Variants in CD40 observed in about 807,000 individuals in gnomAD.
CD40 encodes CD40 molecule, also known as tumor necrosis factor receptor superfamily member 5.
Under a neutral mutation model 38.5 loss-of-function variants are expected in CD40, and 19 were observed. The observed-to-expected ratio is 0.49, with a 90% CI of 0.34 to 0.72. The LOEUF is 0.72. Ranked by LOEUF, CD40 falls within the 30% of genes least tolerant of loss-of-function variation. CD40 has a pLI of 0.01. For missense variants in CD40, 256 were observed against 344.1 expected, an observed-to-expected ratio of 0.74 and a Z score of 2.03; for synonymous variants, 130 against 128.7, an observed-to-expected ratio of 1.01 and a Z score of -0.07.
intron 6 of CD40, chr20:46,126,911 A>G: frequency 1.4e-6 from 1 of 719,678 alleles, no homozygotes. Context: ...TGGGATGATA[A>G]CAGCACTTCC....
At chr20:46,126,273 C>T (rs11569329) in intron 5 of CD40, among the ~76,000 whole-genome samples, 2,276 of 137,820 alleles carry the variant, frequency 0.017, 109 homozygotes, top group Admixed American at 0.12. Context: ...CGTTGAGTAA[C>T]CCTATCTTAA....
rs1174098015 is a variant in CD40 at position 46,126,667 on chromosome 20, A to G, written c.525A>G (p.Gln175=). The change falls in exon 6 of 9, where the codon CAA becomes CAG. Residue 175 remains glutamine, a synonymous_variant. Transcript: ENST00000372285. ...GTGAGACCAAAGACCTGGTTGTGCA[A>G]CAGGCAGGCACAAACAAGACTGATG... The part of the protein sequence containing the change: ...TSCETKDLVV[Q]QAGTNKTDVV... The G allele has an allele frequency of 1.9e-6, 3 of 1,614,028 alleles. No homozygotes were observed. The highest frequency in any genetic ancestry group is 2.7e-5 in the African/African-American group (2 of 74,922).
At chr20:46,120,724 T>C (rs2085300972) in intron 1 of CD40, among the ~76,000 whole-genome samples, 1 of 152,350 alleles carries the variant, frequency 6.6e-6, no homozygotes, top group Non-Finnish European at 1.5e-5. Flanking sequence ...TTATGAGAAG[T>C]GATACTGGTT....
rs11569317 is a variant in CD40 at position 46,122,211 on chromosome 20, C to T, written c.131-22C>T. On this transcript the variant is annotated intron_variant, in intron 2 of 8. Transcript: ENST00000372285. This position sits in a 1 kb window ranked among gnomAD's most constrained non-coding sequence, Gnocchi z 5.0. ...CTCATGGAGTTGGCCAGAGCCCTCC[C>T]TCATTTCCTGATGTTTTCCAGGACA... 1.9e-6 allele frequency: 3 copies of T among 1,614,010 alleles called. No individual in the cohort carries two copies. Among genetic ancestry groups the T allele is most frequent in the Middle Eastern group, 1.6e-4 (1 of 6,062 alleles).
At position 46,129,270 on chromosome 20, in the gene CD40, CT is replaced by C. The variant is rs2085507847; in HGVS notation, c.*232del. 1.8e-6 allele frequency: 1 copy of C among 568,780 alleles called. No individual in the cohort carries two copies. Among genetic ancestry groups the C allele is most frequent in the Non-Finnish European group, 3.2e-6 (1 of 312,754 alleles). 35.2% of individuals were successfully genotyped at this position (568,780 alleles called of 1,614,324 possible). On this transcript the variant is annotated 3_prime_UTR_variant, in exon 9 of 9. Coordinates refer to ENST00000372285, the MANE Select transcript of CD40 (RefSeq NM_001250.6). ...CCCTGGAGCCCATCCAGTCTCCCAACTTGTATTAAAGACAGAGGCAGAAGTT... is the reference window on the plus strand; with the variant it reads ...CCCTGGAGCCCATCCAGTCTCCCAACTGTATTAAAGACAGAGGCAGAAGTT...
In CD40 at chr20:46,129,006, AAG is replaced by A. The variant is rs750063120; in HGVS notation, c.805_806del (p.Arg270HisfsTer36). On this transcript the variant is annotated frameshift_variant, in exon 9 of 9. Transcript: ENST00000372285. LOFTEE classifies it high-confidence loss of function. ...CAACCGGTCACCCAGGAGGATGGCA[AAG>A]AGAGTCGCATCTCAGTGCAGGAGAG... 5.6e-6 allele frequency: 9 copies of A among 1,614,084 alleles called. No homozygotes were observed. Among genetic ancestry groups the A allele is most frequent in the Non-Finnish European group, 5.9e-6 (7 of 1,180,042 alleles).
chr20:46,121,797 A>G (rs1400544322), intron 1 of CD40, 23 bp from the exon 2 acceptor site: 1 of 1,594,566 alleles, frequency 6.3e-7, no homozygotes, highest in African/African-American at 1.3e-5. Flanking sequence ...AGATCCCTTC[A>G]AATTGCACAA....
intron 8 of CD40, chr20:46,128,568 C>A: frequency 5.6e-6 from 4 of 717,022 alleles, no homozygotes; most frequent in Non-Finnish European, 1.0e-5. Context: ...ACTGGCAGAG[C>A]CTAACACTGG....
intron 1 of CD40, among the ~76,000 whole-genome samples, chr20:46,119,470 A>G (rs915480559): frequency 6.6e-6 from 1 of 152,128 alleles, no homozygotes; most frequent in African/African-American, 2.4e-5. Context: ...CGGAGCTGGA[A>G]AGAGGTAAAG....
Position 46,121,618 on chromosome 20 carries a change from A to G in CD40, c.52-202A>G, listed in dbSNP as rs541616637. 5.8e-5 allele frequency: 37 copies of G among 635,820 alleles called. 1 individual carries two copies. In the African/African-American group the frequency reaches 6.1e-4, roughly 11 times the overall value. 39.4% of individuals were successfully genotyped at this position (635,820 alleles called of 1,614,324 possible). A position where few individuals can be genotyped will look rare whatever the true frequency, so the allele number is the denominator to read the frequency against. ...ACCATTGCTTTGTAAAAATACCAGA[A>G]TGATTCTCTGGGTGCGATTATAATC... is the stretch of plus-strand genomic sequence containing the variant. On this transcript the variant is annotated intron_variant, in intron 1 of 8. Transcript: ENST00000372285.
Position 46,122,321 on chromosome 20 carries a change from A to G in CD40, c.219A>G (p.Arg73=). 6.2e-7 allele frequency: 1 copy of G among 1,614,204 alleles called. No homozygotes were observed. Among genetic ancestry groups the G allele is most frequent in the Non-Finnish European group, 8.5e-7 (1 of 1,180,046 alleles). The part of the protein sequence containing the change: ...GESEFLDTWN[R]ETHCHQHKYC... ...GCGAATTCCTAGACACCTGGAACAG[A>G]GAGACACACTGCCACCAGCACAAAT... Residue 73 remains arginine, a synonymous_variant, in exon 3 of 9, where the codon AGA becomes AGG. Coordinates refer to ENST00000372285, the MANE Select transcript of CD40 (RefSeq NM_001250.6). This position sits in a 1 kb window ranked among gnomAD's most constrained non-coding sequence, Gnocchi z 5.0.
chr20:46,127,618 C>T (rs2085462518), intron 6 of CD40, among the ~76,000 whole-genome samples: 1 of 152,250 alleles, frequency 6.6e-6, no homozygotes, highest in Non-Finnish European at 1.5e-5. Flanking sequence ...ACGCTAGTCT[C>T]CGCCCTGCCT....
intron 5 of CD40, among the ~76,000 whole-genome samples, chr20:46,125,647 G>C (rs542501313): frequency 6.8e-6 from 1 of 147,522 alleles, no homozygotes; most frequent in Non-Finnish European, 1.5e-5. Flanking sequence ...GCAATGTCCT[G>C]TGTCCATTCC....
intron 8 of CD40, 86 bp from the exon 9 acceptor site, chr20:46,128,796 G>A (rs1480100157): frequency 7.0e-7 from 1 of 1,437,498 alleles, no homozygotes; most frequent in African/African-American, 1.4e-5. Flanking sequence ...GAGGGCTTGG[G>A]GAAGGGATCC....
intron 5 of CD40, among the ~76,000 whole-genome samples, chr20:46,126,395 C>T (rs960031760): frequency 3.7e-4 from 57 of 152,314 alleles, no homozygotes; most frequent in African/African-American, 1.2e-3. Flanking sequence ...ATTATAGACT[C>T]CCCTATTTAT....
At chr20:46,126,393 C>A (rs1031412648) in intron 5 of CD40, among the ~76,000 whole-genome samples, 26 of 152,190 alleles carry the variant, frequency 1.7e-4, no homozygotes, top group African/African-American at 4.1e-4. Context: ...TCATTATAGA[C>A]TCCCCTATTT....
intron 5 of CD40, 92 bp from the exon 6 acceptor site, chr20:46,126,548 C>A: frequency 6.8e-7 from 1 of 1,462,898 alleles, no homozygotes; most frequent in Non-Finnish European, 9.5e-7. Flanking sequence ...TGTTGACTGA[C>A]TCACTCTAGA....
chr20:46,127,859 A>AC, intron 6 of CD40: 1 of 512,638 alleles, frequency 2.0e-6, no homozygotes, highest in Admixed American at 3.4e-5. Flanking sequence ...GCCAACTGGA[A>AC]CCCAGTCTTC....
At chr20:46,128,730 C>T (rs778258259) in intron 8 of CD40, 152 bp from the exon 9 acceptor site, 2 of 780,302 alleles carry the variant, frequency 2.6e-6, no homozygotes, top group Admixed American at 2.2e-5. Context: ...GTGTGGCCAG[C>T]AGGGGGCAGG....
Sources: allele counts gnomAD v4.1 joint callset (sites outside exome capture counted in the v4.1 genomes callset), GRCh38; gene constraint gnomAD v4.1.1; non-coding constraint Gnocchi (gnomAD v3.1); transcripts MANE v1.5; gene names NCBI Gene and HGNC (gene_info 2026-07-23, HGNC 2026-07-21).